The following CCSER1 variants were observed in gnomAD, a reference collection of about 807,000 sequenced individuals.
CCSER1 encodes the protein coiled-coil serine rich protein 1, also known as serine-rich coiled-coil domain-containing protein 1.
Under a neutral mutation model 82.0 loss-of-function variants are expected in CCSER1, and 41 were observed. The observed-to-expected ratio is 0.50, with a 90% CI of 0.39 to 0.65. CCSER1 has a LOEUF of 0.65. Among genes scored for constraint, CCSER1 ranks in the 30% least tolerant of loss-of-function variants. CCSER1 has a pLI of 0.00. For synonymous variants in CCSER1, 414 were observed against 383.9 expected, an observed-to-expected ratio of 1.08 and a Z score of -0.92; for missense variants, 1,119 against 1,064.2, an observed-to-expected ratio of 1.05 and a Z score of -0.72.
intron 3 of CCSER1, among the ~76,000 whole-genome samples, chr4:90,363,165 G>A (rs777119659): frequency 5.3e-5 from 8 of 152,106 alleles, no homozygotes; most frequent in Admixed American, 2.0e-4. Context: ...ACATAGAGTC[G>A]AAATAGCTGT....
rs191771378 is a variant in CCSER1, at chr4:91,011,734, A to T, written c.2173-74216A>T. Among the ~76,000 whole-genome samples the T allele has an allele frequency of 1.6e-4, 22 of 134,480 alleles. 8 individuals are homozygous for T. In the East Asian group the frequency reaches 5.3e-3, roughly 32 times the overall value. 88.2% of individuals were successfully genotyped at this position (134,480 alleles called of 152,430 possible). A position where few individuals can be genotyped will look rare whatever the true frequency, so the allele number is the denominator to read the frequency against. ...ACCAGAGCCAATAGGGCTCAGTGGC[A>T]ACTCAGGTCTCAGGGAATGAGGCAC... On this transcript the variant is annotated intron_variant, in intron 9 of 10. Coordinates refer to ENST00000509176, the MANE Select transcript of CCSER1 (RefSeq NM_001145065.2).
chr4:90,875,395 G>A (rs192619410), intron 8 of CCSER1, among the ~76,000 whole-genome samples: 43 of 152,052 alleles, frequency 2.8e-4, no homozygotes, highest in African/African-American at 9.6e-4. Context: ...TAAACAATAG[G>A]GGATAAAACA....
At chr4:90,690,638 A>G (rs1178542130) in intron 6 of CCSER1, among the ~76,000 whole-genome samples, 1 of 151,994 alleles carries the variant, frequency 6.6e-6, no homozygotes, top group Non-Finnish European at 1.5e-5. Flanking sequence ...TATTTCTCTT[A>G]CCCGGTCAAT....
At chr4:91,280,576 G>A (rs921172338) in intron 10 of CCSER1, among the ~76,000 whole-genome samples, 1 of 152,134 alleles carries the variant, frequency 6.6e-6, no homozygotes, top group Non-Finnish European at 1.5e-5. Flanking sequence ...GCTTGGGTGG[G>A]GGCAGCAGTG....
intron 3 of CCSER1, among the ~76,000 whole-genome samples, chr4:90,398,773 G>A (rs1752391662): frequency 1.3e-5 from 2 of 152,146 alleles, no homozygotes; most frequent in African/African-American, 2.4e-5. Context: ...GGAGAAAGAA[G>A]CACTTAGATT....
At chr4:90,623,034 T>TC (rs1191726257) in intron 5 of CCSER1, among the ~76,000 whole-genome samples, 1 of 149,654 alleles carries the variant, frequency 6.7e-6, no homozygotes, top group East Asian at 2.0e-4. Flanking sequence ...TTTTTTTTTT[T>TC]TTTTTTTTTT....
chr4:91,132,033 A>T (rs1025133097), intron 10 of CCSER1, among the ~76,000 whole-genome samples: 1 of 152,070 alleles, frequency 6.6e-6, no homozygotes, highest in African/African-American at 2.4e-5. Context: ...AGGTTTTCAG[A>T]CAGCATAGCT....
chr4:90,265,665 A>G (rs781610237), intron 1 of CCSER1, among the ~76,000 whole-genome samples: 45 of 152,232 alleles, frequency 3.0e-4, no homozygotes, highest in Non-Finnish European at 5.0e-4. Context: ...TGTAACGAAG[A>G]GGAGATATTT....
intron 9 of CCSER1, among the ~76,000 whole-genome samples, chr4:91,019,637 G>A (rs1162773354): frequency 6.6e-6 from 1 of 152,044 alleles, no homozygotes; most frequent in African/African-American, 2.4e-5. Context: ...ATTTGTATCT[G>A]TTGCTTACTG....
rs146210088 is a variant in CCSER1, at chr4:90,203,685, A to T, written c.-42+75854A>T. Among the ~76,000 whole-genome samples the T allele has an allele frequency of 8.0e-3, 1,217 of 152,258 alleles. 10 individuals are homozygous for T. The highest frequency in any genetic ancestry group is 0.016 in the South Asian group (75 of 4,816). ...GTGCATGTGTATGTATAGTAGAATG[A>T]TTTATAATCCTTTATATACCAAGTA... On this transcript the variant is annotated intron_variant, in intron 1 of 10. Transcript: ENST00000509176.
chr4:90,969,140 A>G (rs757326713), intron 9 of CCSER1, among the ~76,000 whole-genome samples: 1 of 151,748 alleles, frequency 6.6e-6, no homozygotes, highest in Non-Finnish European at 1.5e-5. Context: ...CAAAAGAGTT[A>G]AGTAAGCCAG....
intron 3 of CCSER1, among the ~76,000 whole-genome samples, chr4:90,363,353 C>T (rs1412481243): frequency 6.6e-6 from 1 of 152,032 alleles, no homozygotes; most frequent in Non-Finnish European, 1.5e-5. Flanking sequence ...GTTTTTCTTT[C>T]ATTTTTGCAT....
At chr4:91,520,194 T>C (rs1760377745) in intron 10 of CCSER1, among the ~76,000 whole-genome samples, 1 of 152,210 alleles carries the variant, frequency 6.6e-6, no homozygotes, top group Non-Finnish European at 1.5e-5. Flanking sequence ...TATATGTTTT[T>C]GAGTTTTTTT....
intron 7 of CCSER1, among the ~76,000 whole-genome samples, chr4:90,758,175 G>C (rs1370585545): frequency 6.6e-6 from 1 of 152,130 alleles, no homozygotes; most frequent in African/African-American, 2.4e-5. Flanking sequence ...GACCCCAGGT[G>C]ATCCGCCTGC....
intron 10 of CCSER1, among the ~76,000 whole-genome samples, chr4:91,311,113 T>C (rs1469757178): frequency 6.6e-6 from 1 of 152,028 alleles, no homozygotes; most frequent in Non-Finnish European, 1.5e-5. Flanking sequence ...TTTGAAATGA[T>C]GTATTTACAG....
intron 5 of CCSER1, among the ~76,000 whole-genome samples, chr4:90,616,167 T>C (rs1721153781): frequency 6.6e-6 from 1 of 152,220 alleles, no homozygotes; most frequent in Admixed American, 6.5e-5. Context: ...CACAAACTTT[T>C]ATATGTGCTA....
At chr4:90,435,155 A>G (rs755599086) in intron 4 of CCSER1, among the ~76,000 whole-genome samples, 22 of 152,312 alleles carry the variant, frequency 1.4e-4, no homozygotes, top group Non-Finnish European at 2.9e-4. Context: ...CATTACTATA[A>G]AAAGACAAGG....
chr4:90,747,915 T>C (rs1477643018), intron 7 of CCSER1, among the ~76,000 whole-genome samples: 1 of 151,714 alleles, frequency 6.6e-6, no homozygotes, highest in Admixed American at 6.6e-5. Flanking sequence ...TGGTTTTTTG[T>C]TCTTGCAGTA....
chr4:90,981,703 C>A (rs530625303), intron 9 of CCSER1, among the ~76,000 whole-genome samples: 1 of 151,774 alleles, frequency 6.6e-6, no homozygotes, highest in South Asian at 2.1e-4. Flanking sequence ...GATGGGGAAC[C>A]CAAGTTCAAG....
Sources: allele counts gnomAD v4.1 joint callset (sites outside exome capture counted in the v4.1 genomes callset), GRCh38; gene constraint gnomAD v4.1.1; transcripts MANE v1.5; gene names NCBI Gene and HGNC (gene_info 2026-07-23, HGNC 2026-07-21).